The following NAALADL2 variants were observed in gnomAD, a reference collection of about 807,000 sequenced individuals.
The protein encoded by NAALADL2 is N-acetylated alpha-linked acidic dipeptidase like 2.
NAALADL2 carries 76 observed loss-of-function variants against 87.2 expected under a neutral mutation model. The observed-to-expected ratio is 0.87, with a 90% confidence interval of 0.72 to 1.05. The LOEUF is 1.05. NAALADL2 is among the 50% of genes least tolerant of loss of function. The pLI, the probability that NAALADL2 is intolerant of heterozygous loss-of-function variation, is 0.00. For missense variants in NAALADL2, 1,089 were observed against 945.8 expected, an observed-to-expected ratio of 1.15 and a Z score of -1.99; for synonymous variants, 354 against 331.0, an observed-to-expected ratio of 1.07 and a Z score of -0.75.
intron 1 of NAALADL2, among the ~76,000 whole-genome samples, chr3:174,444,734 G>T (rs956166417): frequency 2.0e-5 from 3 of 152,150 alleles, no homozygotes; most frequent in Middle Eastern, 6.3e-3. Flanking sequence ...GTGATCAAAT[G>T]GAGAACAGTG....
intron 13 of NAALADL2, among the ~76,000 whole-genome samples, chr3:175,768,560 T>C (rs566060665): frequency 1.3e-5 from 2 of 150,562 alleles, no homozygotes; most frequent in South Asian, 4.2e-4. Context: ...GCCAGGCATT[T>C]GTTTTTTGAC....
At chr3:174,861,648 T>G (rs1054770211) in intron 1 of NAALADL2, among the ~76,000 whole-genome samples, 1 of 152,108 alleles carries the variant, frequency 6.6e-6, no homozygotes, top group Non-Finnish European at 1.5e-5. Context: ...TAGATTATCA[T>G]TGGAACTCCA....
chr3:174,571,097 C>G (rs1714862562), intron 2 of NAALADL2, among the ~76,000 whole-genome samples: 1 of 152,076 alleles, frequency 6.6e-6, no homozygotes, highest in Admixed American at 6.6e-5. Flanking sequence ...CCAGGTGATG[C>G]TGGTGCTGCT....
chr3:175,497,178 A>G (rs1339490109), intron 9 of NAALADL2, among the ~76,000 whole-genome samples: 3 of 152,048 alleles, frequency 2.0e-5, no homozygotes. Flanking sequence ...AGCTCAAGAG[A>G]TCCTCCTGCC....
intron 2 of NAALADL2, among the ~76,000 whole-genome samples, chr3:174,695,689 A>G (rs1728954424): frequency 6.6e-6 from 1 of 152,094 alleles, no homozygotes; most frequent in Admixed American, 6.6e-5. Flanking sequence ...GAGTTTGTCT[A>G]AACCTAAGGC....
chr3:174,501,377 C>CT (rs1006152579), intron 1 of NAALADL2, among the ~76,000 whole-genome samples: 3 of 147,000 alleles, frequency 2.0e-5, no homozygotes, highest in East Asian at 3.9e-4. Flanking sequence ...CGCGCCCGGC[C>CT]TTTTTTTTCT....
chr3:174,589,630 A>G (rs1231713100), intron 2 of NAALADL2, among the ~76,000 whole-genome samples: 1 of 152,252 alleles, frequency 6.6e-6, no homozygotes, highest in African/African-American at 2.4e-5. Context: ...TGACTGAAAC[A>G]TTAGTAATTT....
chr3:175,462,187 G>T (rs562432204), intron 6 of NAALADL2, among the ~76,000 whole-genome samples: 1 of 152,124 alleles, frequency 6.6e-6, no homozygotes, highest in South Asian at 2.1e-4. Flanking sequence ...GGAGACAGAG[G>T]GTATTGGGGA....
intron 10 of NAALADL2, among the ~76,000 whole-genome samples, chr3:175,626,679 G>A (rs953223462): frequency 6.6e-6 from 1 of 151,662 alleles, no homozygotes; most frequent in Non-Finnish European, 1.5e-5. Context: ...GACTCCCATG[G>A]AATAACAGTT....
intron 2 of NAALADL2, among the ~76,000 whole-genome samples, chr3:175,211,738 TA>T (rs1359579617): frequency 1.3e-5 from 2 of 152,048 alleles, no homozygotes; most frequent in Non-Finnish European, 2.9e-5. Context: ...AAACAAGAGT[TA>T]ATCCAAAGAT....
At chr3:175,714,180 G>T (rs1176518388) in intron 11 of NAALADL2, among the ~76,000 whole-genome samples, 2 of 152,080 alleles carry the variant, frequency 1.3e-5, no homozygotes, top group Non-Finnish European at 1.5e-5. Context: ...GAATAGTGCT[G>T]CAATAAACAT....
At chr3:175,692,942 C>T (rs1737244147) in intron 11 of NAALADL2, among the ~76,000 whole-genome samples, 1 of 152,116 alleles carries the variant, frequency 6.6e-6, no homozygotes, top group Non-Finnish European at 1.5e-5. Context: ...CCAAGACCAA[C>T]CTCATATTCC....
chr3:175,028,423 C>T (rs1752449767), intron 1 of NAALADL2, among the ~76,000 whole-genome samples: 1 of 151,766 alleles, frequency 6.6e-6, no homozygotes, highest in South Asian at 2.1e-4. Context: ...ATTAAGATTC[C>T]CGGTATGTCC....
At chr3:175,433,789 C>A (rs1420422141) in intron 5 of NAALADL2, among the ~76,000 whole-genome samples, 2 of 151,806 alleles carry the variant, frequency 1.3e-5, no homozygotes, top group Non-Finnish European at 2.9e-5. Flanking sequence ...TTACATTCAC[C>A]ACATTATAGA....
intron 11 of NAALADL2, among the ~76,000 whole-genome samples, chr3:175,637,749 T>C (rs911695738): frequency 1.3e-5 from 2 of 152,170 alleles, no homozygotes; most frequent in Non-Finnish European, 2.9e-5. Context: ...ATAAATAGTA[T>C]AAACTTATTT....
intron 9 of NAALADL2, among the ~76,000 whole-genome samples, chr3:175,555,124 G>A (rs532149295): frequency 6.6e-6 from 1 of 152,176 alleles, no homozygotes; most frequent in Non-Finnish European, 1.5e-5. Context: ...TAATGTTTTT[G>A]TTGTTTTTGT....
rs895700137 is a variant in NAALADL2, at chr3:175,324,092, T to C, written c.940-83T>C. On this transcript the variant is annotated intron_variant, in intron 4 of 13. Coordinates refer to ENST00000454872, the MANE Select transcript of NAALADL2 (RefSeq NM_207015.3). Reference sequence around the variant, plus strand: ...AAAAACTGGAAAAAGAGTCATCTTATCATAGCCACATTGGCAAAATGGCAC... The same window carrying C: ...AAAAACTGGAAAAAGAGTCATCTTACCATAGCCACATTGGCAAAATGGCAC... The C allele has an allele frequency of 6.5e-6, 6 of 929,524 alleles. No homozygotes were observed. In the African/African-American group the frequency reaches 8.7e-5, roughly 13 times the overall value. 57.6% of individuals were successfully genotyped at this position (929,524 alleles called of 1,614,324 possible).
intron 3 of NAALADL2, among the ~76,000 whole-genome samples, chr3:175,241,932 G>A (rs1746988490): frequency 6.7e-6 from 1 of 148,806 alleles, no homozygotes; most frequent in South Asian, 2.1e-4. Flanking sequence ...GGAGGTCTTG[G>A]CTCACTGCAA....
At chr3:175,761,411 C>T (rs759973278) in intron 13 of NAALADL2, among the ~76,000 whole-genome samples, 2 of 152,126 alleles carry the variant, frequency 1.3e-5, no homozygotes, top group Non-Finnish European at 2.9e-5. Context: ...TTTTGAAGGG[C>T]ATTTTTGTTG....
Sources: gnomAD v4.1 joint callset for allele counts (sites outside exome capture counted in the v4.1 genomes callset) on GRCh38, gnomAD v4.1.1 for gene constraint, MANE v1.5 for transcripts, NCBI Gene and HGNC (gene_info 2026-07-23, HGNC 2026-07-21) for gene names.